The following KCNMA1 variants were observed in gnomAD, a reference collection of about 807,000 sequenced individuals.
KCNMA1 encodes potassium calcium-activated channel subfamily M alpha 1.
In KCNMA1, 29 loss-of-function variants were observed where a neutral mutation model predicts 140.0. That is an observed-to-expected ratio of 0.21 (90% CI 0.15 to 0.28). The LOEUF (loss-of-function observed/expected upper bound fraction) is 0.28, where lower values mean the gene tolerates loss of function less well. Among genes scored for constraint, KCNMA1 ranks in the 10% least tolerant of loss-of-function variants. The pLI is 1.00. For synonymous variants in KCNMA1, 612 were observed against 611.9 expected, an observed-to-expected ratio of 1.00 and a Z score of 0.00; for missense variants, 880 against 1,602.2, an observed-to-expected ratio of 0.55 and a Z score of 7.70.
At chr10:76,905,607 G>A (rs942028115) in intron 25 of KCNMA1, among the ~76,000 whole-genome samples, 1 of 152,056 alleles carries the variant, frequency 6.6e-6, no homozygotes, top group Admixed American at 6.6e-5. Context: ...GTGCAGCTTT[G>A]GCCTTTATAG....
intron 1 of KCNMA1, among the ~76,000 whole-genome samples, chr10:77,426,692 C>A (rs1446943868): frequency 1.3e-5 from 2 of 152,210 alleles, no homozygotes; most frequent in Non-Finnish European, 2.9e-5. Flanking sequence ...GAAGCCCCTG[C>A]AGCACTTCAT....
chr10:77,163,047 A>G (rs565799819), intron 5 of KCNMA1, among the ~76,000 whole-genome samples: 3 of 152,288 alleles, frequency 2.0e-5, no homozygotes, highest in Admixed American at 2.0e-4. Flanking sequence ...AAACATATGG[A>G]TAAATGAATC....
intron 1 of KCNMA1, among the ~76,000 whole-genome samples, chr10:77,554,346 C>T (rs1027214897): frequency 4.6e-5 from 7 of 152,046 alleles, no homozygotes; most frequent in African/African-American, 1.7e-4. Flanking sequence ...CCTATAATCC[C>T]AGCACTTTGG....
chr10:77,469,409 G>T (rs911783413), intron 1 of KCNMA1, among the ~76,000 whole-genome samples: 12 of 152,316 alleles, frequency 7.9e-5, no homozygotes, highest in African/African-American at 2.9e-4. Flanking sequence ...ACAGCGTTTA[G>T]AGGGCAGCGC....
chr10:77,432,347 T>C (rs997956450), intron 1 of KCNMA1, among the ~76,000 whole-genome samples: 1 of 152,212 alleles, frequency 6.6e-6, no homozygotes, highest in African/African-American at 2.4e-5. Context: ...TACTCTGTTA[T>C]GCTCTTCGTA....
At chr10:77,066,163 GA>G (rs1477411698) in intron 14 of KCNMA1, among the ~76,000 whole-genome samples, 1 of 152,172 alleles carries the variant, frequency 6.6e-6, no homozygotes, top group African/African-American at 2.4e-5. Context: ...ATGCTTTGTT[GA>G]AGATAGATTG....
chr10:77,073,648 A>G (rs1328391077), intron 13 of KCNMA1, among the ~76,000 whole-genome samples: 1 of 152,092 alleles, frequency 6.6e-6, no homozygotes, highest in Non-Finnish European at 1.5e-5. Flanking sequence ...CTGCCTTTCC[A>G]ATACTCCAGA....
At chr10:76,904,451 T>G (rs1424346663) in intron 25 of KCNMA1, 2 of 152,242 alleles carry the variant, frequency 1.3e-5, no homozygotes, top group Non-Finnish European at 2.9e-5. Context: ...CTCAGATGTA[T>G]CGTACACTAG....
At chr10:77,006,181 G>A (rs1293810286) in intron 18 of KCNMA1, among the ~76,000 whole-genome samples, 3 of 152,200 alleles carry the variant, frequency 2.0e-5, no homozygotes, top group Admixed American at 6.5e-5. Flanking sequence ...GATTGGAAGA[G>A]GCAGGAAAAA....
intron 19 of KCNMA1, among the ~76,000 whole-genome samples, chr10:76,994,810 T>G (rs2083726383): frequency 1.3e-5 from 2 of 152,190 alleles, no homozygotes; most frequent in Admixed American, 1.3e-4. Context: ...ATGTCCTAAA[T>G]GTGCTGGGCC....
intron 1 of KCNMA1, among the ~76,000 whole-genome samples, chr10:77,450,404 A>G (rs2097619831): frequency 6.6e-6 from 1 of 152,184 alleles, no homozygotes. Context: ...TATTATGTAT[A>G]TTAACCAATA....
intron 23 of KCNMA1, among the ~76,000 whole-genome samples, chr10:76,917,205 G>A (rs1017099440): frequency 2.6e-5 from 4 of 152,162 alleles, no homozygotes; most frequent in Non-Finnish European, 5.9e-5. Flanking sequence ...TGGATGTGAC[G>A]TTTTTGAATT....
chr10:77,227,802 G>A (rs1255046879), intron 3 of KCNMA1, among the ~76,000 whole-genome samples: 2 of 151,954 alleles, frequency 1.3e-5, no homozygotes, highest in Admixed American at 6.6e-5. Context: ...CCACTTCCCA[G>A]CTGTCACTTT....
rs2093605613 is a variant in KCNMA1, at chr10:77,027,873, G to C, written c.1878C>G (p.Leu626=). 6.2e-7 allele frequency: 1 copy of C among 1,613,780 alleles called. No homozygotes were observed. The highest frequency in any genetic ancestry group is 1.3e-5 in the African/African-American group (1 of 75,014). The change falls in exon 16 of 28, where the codon CTC becomes CTG. Residue 626 remains leucine (L), a synonymous_variant. Coordinates refer to ENST00000286628, the MANE Select transcript of KCNMA1 (RefSeq NM_001161352.2). ...PTVCELCFVK[L]KLLMIAIEYK... ...ACTCAATGGCTATCATTAGGAGCTT[G>C]AGCTTCACAAAACACAGCCTGCAAT...
chr10:77,585,471 G>C (rs2077030050), intron 1 of KCNMA1, among the ~76,000 whole-genome samples: 1 of 152,194 alleles, frequency 6.6e-6, no homozygotes, highest in South Asian at 2.1e-4. Context: ...ATATTACTTG[G>C]TTTTGTACCA....
In KCNMA1 at chr10:77,340,605, C is replaced by G. The variant is rs181360425; in HGVS notation, c.540+63257G>C. On this transcript the variant is annotated intron_variant, in intron 2 of 27. Transcript: ENST00000286628. The stretch of plus-strand genomic sequence containing the variant: ...GAAACCGTCATTCTCAGCAAACTAT[C>G]GCAAGGACAAAAACCAAACACTGCA... Among the ~76,000 whole-genome samples the G allele has an allele frequency of 2.1e-4, 32 of 151,772 alleles. No individual in the cohort carries two copies. The East Asian group carries it at 6.0e-3, about 29-fold the overall frequency.
At chr10:76,889,671 T>A in intron 26 of KCNMA1, 102 bp from the exon 27 acceptor site, 1 of 952,954 alleles carries the variant, frequency 1.0e-6, no homozygotes, top group Non-Finnish European at 1.7e-6. Context: ...TGTTTTGGTG[T>A]CTCCCAAGTT....
At chr10:77,506,047 A>G (rs1054328385) in intron 1 of KCNMA1, among the ~76,000 whole-genome samples, 6 of 152,148 alleles carry the variant, frequency 3.9e-5, no homozygotes, top group African/African-American at 1.4e-4. Flanking sequence ...CTTGGGAAAG[A>G]CCAACTCTTT....
At chr10:77,341,504 C>T (rs1260283185) in intron 2 of KCNMA1, among the ~76,000 whole-genome samples, 7 of 152,192 alleles carry the variant, frequency 4.6e-5, no homozygotes, top group African/African-American at 9.7e-5. Context: ...TGGAGAAACA[C>T]AGCAATTTGC....
Sources: gnomAD v4.1 joint callset for allele counts (sites outside exome capture counted in the v4.1 genomes callset) on GRCh38, gnomAD v4.1.1 for gene constraint, MANE v1.5 for transcripts, NCBI Gene and HGNC (gene_info 2026-07-23, HGNC 2026-07-21) for gene names.